The following GTF3C3 variants were observed in gnomAD, a reference collection of about 807,000 sequenced individuals.
GTF3C3 encodes general transcription factor 3C polypeptide 3.
In GTF3C3, 75 loss-of-function variants were observed where a neutral mutation model predicts 105.2. The observed-to-expected ratio is 0.71, with a 90% CI of 0.59 to 0.86. The LOEUF is 0.86. Among genes scored for constraint, GTF3C3 ranks in the 40% least tolerant of loss-of-function variants. The probability of loss-of-function intolerance (pLI) is 0.00; values close to 1 mark genes in which losing one functional copy is unlikely to be tolerated. For synonymous variants in GTF3C3, 335 were observed against 370.4 expected (o/e 0.90, Z 1.10); for missense variants, 856 against 1,076.5 (o/e 0.80, Z 2.87).
rs1241111631 is a variant in GTF3C3, at chr2:196,786,590, T to C, written c.894-1002A>G. Among the ~76,000 whole-genome samples the C allele has an allele frequency of 1.3e-5, 2 of 152,156 alleles. No homozygotes were observed. Among genetic ancestry groups the C allele is most frequent in the Admixed American group, 1.3e-4 (2 of 15,266 alleles). ...ATTCCCTATGATCTACTTAAGGATA[T>C]TGCTCAGGCAATTGTCTCTTCCCTC... On this transcript the variant is annotated intron_variant, in intron 6 of 17. Transcript: ENST00000263956. The surrounding 1 kb of genome is among the most constrained non-coding windows in gnomAD (Gnocchi z 4.2).
At position 196,776,931 on chromosome 2, in the gene GTF3C3, G is replaced by A. The variant is rs983300189; in HGVS notation, c.1391-302C>T. 6.6e-6 allele frequency among the ~76,000 whole-genome samples: 1 copy of A among 152,080 alleles called. No homozygotes were observed. Among genetic ancestry groups the A allele is most frequent in the African/African-American group, 2.4e-5 (1 of 41,398 alleles). On this transcript the variant is annotated intron_variant, in intron 10 of 17. Coordinates refer to ENST00000263956, the MANE Select transcript of GTF3C3 (RefSeq NM_012086.5). The surrounding 1 kb of genome is among the most constrained non-coding windows in gnomAD (Gnocchi z 4.5). Reference sequence around the variant, plus strand: ...ATGGTTACATAATCAAACTGATTATGTAATTATATCATTTGCCATTTAGGT... The same window carrying A: ...ATGGTTACATAATCAAACTGATTATATAATTATATCATTTGCCATTTAGGT...
chr2:196,793,008 T>C lies in GTF3C3; in HGVS notation c.359A>G (p.Asp120Gly). ...GAGAACCATCTCCAATACAAATACATCGCCCGCAGTGGGTTGCTCAGGTGT... is the reference window on the plus strand; with the variant it reads ...GAGAACCATCTCCAATACAAATACACCGCCCGCAGTGGGTTGCTCAGGTGT... The part of the protein sequence containing the change: ...EETPEQPTAG[D>G]VFVLEMVLNR... The change falls in exon 3 of 18, where the codon GAT (aspartate) becomes GGT (glycine). Residue 120 changes from aspartate to glycine, a missense_variant. Physicochemically the swap from Asp to Gly is moderately conservative, Grantham distance 94. Coordinates refer to ENST00000263956, the MANE Select transcript of GTF3C3 (RefSeq NM_012086.5). The C allele has an allele frequency of 1.2e-6, 2 of 1,614,014 alleles. No individual in the cohort carries two copies. Among genetic ancestry groups the C allele is most frequent in the Non-Finnish European group, 1.7e-6 (2 of 1,179,962 alleles).
rs1699331355 is a variant in GTF3C3, at chr2:196,780,550, G to A, written c.1218+9C>T. On this transcript the variant is annotated intron_variant, in intron 9 of 17. Coordinates refer to ENST00000263956, the MANE Select transcript of GTF3C3 (RefSeq NM_012086.5). Reference sequence around the variant, plus strand: ...CTGAAGTATCTCAAGTGCAGATCTTGTTACATACATTAAGTGGTTCAAGAA... The same window carrying A: ...CTGAAGTATCTCAAGTGCAGATCTTATTACATACATTAAGTGGTTCAAGAA... 1 of 1,610,684 alleles carries A rather than the reference G, an allele frequency of 6.2e-7. No individual in the cohort carries two copies. Among genetic ancestry groups the A allele is most frequent in the African/African-American group, 1.3e-5 (1 of 74,852 alleles).
chr2:196,796,912 CCA>C (rs1699656903), intron 2 of GTF3C3, among the ~76,000 whole-genome samples: 1 of 152,170 alleles, frequency 6.6e-6, no homozygotes, highest in Admixed American at 6.5e-5. Context: ...ACTGTAACCC[CCA>C]GTTTTCCCTC....
chr2:196,797,298 A>T (rs897901831), intron 2 of GTF3C3, among the ~76,000 whole-genome samples: 6 of 152,240 alleles, frequency 3.9e-5, no homozygotes, highest in African/African-American at 1.4e-4. Flanking sequence ...ATATCTGGAC[A>T]TGCAAAGCTG....
rs774688614 is a variant in GTF3C3, at chr2:196,764,658, G to A, written c.2566C>T (p.Arg856Ter). ...EGIELDQLDL[R>*]RDIAYNLSLI... ...GACAAGTTGTAGGCAATATCTCTTC[G>A]TAAGTCTAACTGGTCAAGTTCTATA... The change falls in exon 18 of 18, where the codon CGA (arginine) becomes TGA (stop). Residue 856 changes from arginine (R) to a stop codon, truncating the protein, a stop_gained. Transcript: ENST00000263956. LOFTEE classifies it high-confidence loss of function. The A allele has an allele frequency of 6.8e-6, 11 of 1,611,386 alleles. No individual in the cohort carries two copies. Among genetic ancestry groups the A allele is most frequent in the East Asian group, 2.2e-5 (1 of 44,864 alleles).
intron 2 of GTF3C3, among the ~76,000 whole-genome samples, chr2:196,794,234 G>A (rs2125751949): frequency 6.6e-6 from 1 of 152,162 alleles, no homozygotes; most frequent in South Asian, 2.1e-4. Flanking sequence ...CTCTGCCTGG[G>A]ACTTCTCAGC....
intron 16 of GTF3C3, among the ~76,000 whole-genome samples, chr2:196,768,662 T>C (rs180777417): frequency 5.6e-4 from 85 of 152,248 alleles, no homozygotes; most frequent in African/African-American, 1.9e-3. Context: ...ATGTTTAACA[T>C]ACACAAAAGA....
At position 196,771,807 on chromosome 2, in the gene GTF3C3, G is replaced by A. The variant is rs764143929; in HGVS notation, c.2201C>T (p.Ala734Val). The A allele has an allele frequency of 6.2e-7, 1 of 1,613,008 alleles. No individual in the cohort carries two copies. Among genetic ancestry groups the A allele is most frequent in the East Asian group, 2.2e-5 (1 of 44,866 alleles). ...RLMLKNPENH[A>V]LCVLNGHNAF... ...ATTGTGTCCATTTAAGACACATAGG[G>A]CATGATTTTCTGGGTTTTTCAGCAT... Residue 734 changes from alanine (A) to valine (V), a missense_variant, in exon 15 of 18, where the codon GCC becomes GTC. This residue lies in a region of GTF3C3 where 605 missense variants were observed against 833.6 expected (regional missense o/e 0.73). Transcript: ENST00000263956.
At chr2:196,785,829 T>C (rs1699445050) in intron 6 of GTF3C3, among the ~76,000 whole-genome samples, 3 of 152,138 alleles carry the variant, frequency 2.0e-5, no homozygotes, top group Admixed American at 1.3e-4. Flanking sequence ...TTCCAGCTCA[T>C]TCCCTATGTA....
rs565104073 is a variant in GTF3C3 at position 196,763,136 on chromosome 2, CAA to C, written c.*1425_*1426del. ...CTGAGAGAATCAGAGATAACATATC[CAA>C]AGTGTTTAGCACCATACTTAGCATA... is the stretch of plus-strand genomic sequence containing the variant. On this transcript the variant is annotated 3_prime_UTR_variant, in exon 18 of 18. Coordinates refer to ENST00000263956, the MANE Select transcript of GTF3C3 (RefSeq NM_012086.5). The C allele has an allele frequency of 2.0e-5, 3 of 152,124 alleles. No homozygotes were observed. The highest frequency in any genetic ancestry group is 7.2e-5 in the African/African-American group (3 of 41,402). The allele number at this position is 152,124 out of a possible 1,614,324, so 9.4% of individuals were successfully genotyped here.
intron 16 of GTF3C3, among the ~76,000 whole-genome samples, chr2:196,769,583 A>G (rs962467215): frequency 1.1e-4 from 17 of 152,278 alleles, no homozygotes; most frequent in African/African-American, 4.1e-4. Context: ...TTTTTTTTCA[A>G]CTACTTTAAG....
Position 196,776,430 on chromosome 2 carries a change from C to A in GTF3C3, c.1590G>T (p.Gln530His), listed in dbSNP as rs1699260289. 1 of 1,612,772 alleles carries A rather than the reference C, an allele frequency of 6.2e-7. No homozygotes were observed. ...CCCTCTATGTGACATGGCCCACCTG[C>A]TGTGCAGCATTTGCATCCTGTGCTA... ...DTLAQDANAA[Q>H]QELKLLLHRS... Residue 530 changes from glutamine (Q) to histidine (H), a missense_variant, in exon 11 of 18, where the codon CAG becomes CAT. By Grantham distance (24) the Gln-to-His change is conservative. This residue lies in a region of GTF3C3 where 605 missense variants were observed against 833.6 expected (regional missense o/e 0.73). Transcript: ENST00000263956. This position sits in a 1 kb window ranked among gnomAD's most constrained non-coding sequence, Gnocchi z 4.5.
In GTF3C3 at chr2:196,770,670, C is replaced by T. The variant is rs546422209; in HGVS notation, c.2261-631G>A. On this transcript the variant is annotated intron_variant, in intron 15 of 17. Coordinates refer to ENST00000263956, the MANE Select transcript of GTF3C3 (RefSeq NM_012086.5). ...AGTAGGGGTATTTAAGCAAGTTTTT[C>T]TCATAAAGGAATAACATATAATGTA... 3.1e-3 allele frequency among the ~76,000 whole-genome samples: 479 copies of T among 152,136 alleles called. 2 individuals carry two copies. Among genetic ancestry groups the T allele is most frequent in the African/African-American group, 0.011 (463 of 41,522 alleles).
At chr2:196,781,985 T>C (rs1367473703) in intron 8 of GTF3C3, among the ~76,000 whole-genome samples, 2 of 152,226 alleles carry the variant, frequency 1.3e-5, no homozygotes, top group Non-Finnish European at 2.9e-5. Flanking sequence ...TGATTCTATC[T>C]TTATCATGTA....
In GTF3C3 at chr2:196,763,128, A is replaced by G. The variant is rs1205201207; in HGVS notation, c.*1435T>C. The G allele has an allele frequency of 6.6e-6, 1 of 152,236 alleles. No homozygotes were observed. Among genetic ancestry groups the G allele is most frequent in the East Asian group, 1.9e-4 (1 of 5,202 alleles). The allele number at this position is 152,236 out of a possible 1,614,324, so 9.4% of individuals were successfully genotyped here. A position where few individuals can be genotyped will look rare whatever the true frequency, so the allele number is the denominator to read the frequency against. On this transcript the variant is annotated 3_prime_UTR_variant, in exon 18 of 18. Coordinates refer to ENST00000263956, the MANE Select transcript of GTF3C3 (RefSeq NM_012086.5). ...GCAGTTCCCTGAGAGAATCAGAGATAACATATCCAAAGTGTTTAGCACCAT... is the reference window on the plus strand; with the variant it reads ...GCAGTTCCCTGAGAGAATCAGAGATGACATATCCAAAGTGTTTAGCACCAT...
rs1023071598 is a variant in GTF3C3 at position 196,790,188 on chromosome 2, C to G, written c.536-118G>C. ...AAATACCTAAACTCTTCAAATCACT[C>G]TAGCAGAATTATACAAACTGCTTAA... On this transcript the variant is annotated intron_variant, in intron 4 of 17. Transcript: ENST00000263956. The G allele has an allele frequency of 5.8e-5, 32 of 549,640 alleles. No homozygotes were observed. The African/African-American group carries it at 6.0e-4, about 10-fold the overall frequency. 34.0% of individuals were successfully genotyped at this position (549,640 alleles called of 1,614,324 possible).
Position 196,766,556 on chromosome 2 carries a change from G to A in GTF3C3, c.2538+9C>T, listed in dbSNP as rs1699072755. The A allele has an allele frequency of 6.3e-6, 10 of 1,596,222 alleles. No individual in the cohort carries two copies. Among genetic ancestry groups the A allele is most frequent in the Non-Finnish European group, 8.6e-6 (10 of 1,169,400 alleles). On this transcript the variant is annotated intron_variant, in intron 17 of 17. Transcript: ENST00000263956. The stretch of plus-strand genomic sequence containing the variant: ...AATGAAGTGTCTCAGTTTTAAAAAT[G>A]CACAATACCTCTACCACAAGTGGAG...
intron 6 of GTF3C3, among the ~76,000 whole-genome samples, 162 bp downstream of exon 6, chr2:196,789,042 G>A (rs1319695675): frequency 6.6e-6 from 1 of 151,852 alleles, no homozygotes; most frequent in African/African-American, 2.4e-5. Context: ...CTCCAGCCTG[G>A]GTGACAGAGC....
Sources: allele counts gnomAD v4.1 joint callset (sites outside exome capture counted in the v4.1 genomes callset), GRCh38; gene constraint gnomAD v4.1.1; regional missense constraint gnomAD v4.1.1; non-coding constraint Gnocchi (gnomAD v3.1); transcripts MANE v1.5; gene names NCBI Gene and HGNC (gene_info 2026-07-23, HGNC 2026-07-21).